The following WWOX variants were observed in gnomAD, a reference collection of about 807,000 sequenced individuals.
WWOX encodes the protein WW domain-containing oxidoreductase.
WWOX carries 69 observed loss-of-function variants against 46.2 expected under a neutral mutation model. That is an observed-to-expected ratio of 1.49 (90% CI 1.23 to 1.82). The LOEUF is 1.82. Among genes scored for constraint, WWOX ranks in the 40% most tolerant of loss-of-function variants. WWOX has a pLI of 0.00. For missense variants in WWOX, 919 were observed against 542.6 expected (o/e 1.69, Z -6.89); for synonymous variants, 359 against 202.6 (o/e 1.77, Z -6.56).
chr16:78,864,675 C>G (rs957139154), intron 8 of WWOX, among the ~76,000 whole-genome samples: 1 of 151,144 alleles, frequency 6.6e-6, no homozygotes, highest in Non-Finnish European at 1.5e-5. Flanking sequence ...CCTGTTAGCA[C>G]AGGGTCTGAC....
At position 78,340,654 on chromosome 16, in the gene WWOX, A is replaced by G. The variant is rs1417502741; in HGVS notation, c.517-46206A>G. On this transcript the variant is annotated intron_variant, in intron 5 of 8. Transcript: ENST00000566780. ...CTCTGAAGGATGATCTGGCTGGACT[A>G]TTTTTTGGGAAAACCACTGTGTTTG... 2.5e-5 allele frequency among the ~76,000 whole-genome samples: 3 copies of G among 120,158 alleles called. 1 individual carries two copies. The highest frequency in any genetic ancestry group is 2.5e-4 in the South Asian group (1 of 4,014). 78.8% of individuals were successfully genotyped at this position (120,158 alleles called of 152,430 possible). A position where few individuals can be genotyped will look rare whatever the true frequency, so the allele number is the denominator to read the frequency against.
At chr16:78,411,259 C>T (rs2082674460) in intron 6 of WWOX, among the ~76,000 whole-genome samples, 4 of 152,104 alleles carry the variant, frequency 2.6e-5, no homozygotes. Context: ...GTTTGAGATC[C>T]ATGTTATTCT....
chr16:79,147,757 T>C (rs1230804847), intron 8 of WWOX, among the ~76,000 whole-genome samples: 1 of 152,206 alleles, frequency 6.6e-6, no homozygotes, highest in Non-Finnish European at 1.5e-5. Context: ...GGTGTTGCAG[T>C]TTTTTATTTT....
chr16:78,687,768 G>C (rs1479722283), intron 8 of WWOX, among the ~76,000 whole-genome samples: 1 of 152,020 alleles, frequency 6.6e-6, no homozygotes, highest in East Asian at 1.9e-4. Context: ...TATTCTCCAG[G>C]TCTGACTATT....
chr16:78,953,067 G>C (rs1175364175), intron 8 of WWOX, among the ~76,000 whole-genome samples: 1 of 151,762 alleles, frequency 6.6e-6, no homozygotes, highest in Non-Finnish European at 1.5e-5. Context: ...GGTGGTGGTG[G>C]ACAATCTGAC....
chr16:78,232,911 G>A (rs564244815), intron 5 of WWOX, among the ~76,000 whole-genome samples: 6 of 151,222 alleles, frequency 4.0e-5, no homozygotes, highest in African/African-American at 4.9e-5. Context: ...GTGCTATTTC[G>A]GCTAACTGCA....
chr16:78,521,461 G>C (rs2043346277), intron 8 of WWOX, among the ~76,000 whole-genome samples: 1 of 152,148 alleles, frequency 6.6e-6, no homozygotes, highest in African/African-American at 2.4e-5. Context: ...CAAAGACAAG[G>C]CTCAAGTTCA....
intron 8 of WWOX, among the ~76,000 whole-genome samples, chr16:78,999,195 G>T (rs1382533324): frequency 6.6e-6 from 1 of 151,874 alleles, no homozygotes; most frequent in African/African-American, 2.4e-5. Flanking sequence ...CATCAGCCAG[G>T]GGCAGCGGGT....
At chr16:78,947,889 T>C (rs2045980153) in intron 8 of WWOX, among the ~76,000 whole-genome samples, 1 of 152,106 alleles carries the variant, frequency 6.6e-6, no homozygotes, top group Admixed American at 6.5e-5. Context: ...CAGGTTCAGG[T>C]TGATTTACCT....
At chr16:78,528,791 T>A (rs1217569186) in intron 8 of WWOX, among the ~76,000 whole-genome samples, 1 of 152,176 alleles carries the variant, frequency 6.6e-6, no homozygotes, top group Non-Finnish European at 1.5e-5. Flanking sequence ...TTTCAGTGGC[T>A]GGTTCTTCGT....
chr16:78,797,105 C>T (rs2050759164), intron 8 of WWOX, among the ~76,000 whole-genome samples: 1 of 151,976 alleles, frequency 6.6e-6, no homozygotes, highest in Non-Finnish European at 1.5e-5. Flanking sequence ...GGGTTGCAGG[C>T]GTGAGCCACT....
chr16:78,692,008 T>G (rs909710185), intron 8 of WWOX, among the ~76,000 whole-genome samples: 3 of 152,204 alleles, frequency 2.0e-5, no homozygotes, highest in Non-Finnish European at 2.9e-5. Context: ...CATTTTCTCT[T>G]GCCACTGCCA....
intron 4 of WWOX, among the ~76,000 whole-genome samples, chr16:78,126,711 A>G (rs1381963048): frequency 5.3e-5 from 8 of 152,188 alleles, no homozygotes; most frequent in Admixed American, 5.2e-4. Flanking sequence ...TCTTTTAAGC[A>G]CACATCTTGT....
rs371483619 is a variant in WWOX at position 78,939,332 on chromosome 16, C to T, written c.1057-272276C>T. Among the ~76,000 whole-genome samples, 33 of 152,224 alleles carry T rather than the reference C, an allele frequency of 2.2e-4. No individual in the cohort carries two copies. The South Asian group carries it at 2.5e-3, about 11-fold the overall frequency. On this transcript the variant is annotated intron_variant, in intron 8 of 8. Transcript: ENST00000566780. ...TTTGCCATCCTCAGTAATGTGTGTC[C>T]CTTACAGATGATGCCCAATGACTCT...
chr16:79,122,005 A>G (rs1019033657), intron 8 of WWOX, among the ~76,000 whole-genome samples: 1 of 152,128 alleles, frequency 6.6e-6, no homozygotes, highest in Non-Finnish European at 1.5e-5. Flanking sequence ...GTACAATAAA[A>G]TACCAAGTTA....
chr16:78,176,335 G>C (rs947444430), intron 5 of WWOX, among the ~76,000 whole-genome samples: 1 of 152,198 alleles, frequency 6.6e-6, no homozygotes, highest in Non-Finnish European at 1.5e-5. Context: ...TGAAGCTTGG[G>C]ATGCACTTGG....
At chr16:78,241,227 A>G (rs974664570) in intron 5 of WWOX, 1 of 152,220 alleles carries the variant, frequency 6.6e-6, no homozygotes, top group Non-Finnish European at 1.5e-5. Context: ...TGCCGTCAGC[A>G]TGGTTCCCAG....
rs186434420 is a variant in WWOX at position 78,626,608 on chromosome 16, A to G, written c.1056+193856A>G. ...TCACCTGGTCAAGGTAGTGTTCATTAGGTTTCTCCACTGCACACTTAGTCT... is the reference window on the plus strand; with the variant it reads ...TCACCTGGTCAAGGTAGTGTTCATTGGGTTTCTCCACTGCACACTTAGTCT... On this transcript the variant is annotated intron_variant, in intron 8 of 8. Coordinates refer to ENST00000566780, the MANE Select transcript of WWOX (RefSeq NM_016373.4). Among the ~76,000 whole-genome samples the G allele has an allele frequency of 2.0e-5, 3 of 152,236 alleles. No homozygotes were observed. In the East Asian group the frequency reaches 5.8e-4, roughly 30 times the overall value.
chr16:78,119,236 G>T (rs539396156), intron 4 of WWOX, among the ~76,000 whole-genome samples: 24 of 152,178 alleles, frequency 1.6e-4, no homozygotes, highest in Non-Finnish European at 2.9e-4. Context: ...TAAAAGCAAC[G>T]GAAATGCCTT....
Sources: allele counts gnomAD v4.1 joint callset (sites outside exome capture counted in the v4.1 genomes callset), GRCh38; gene constraint gnomAD v4.1.1; transcripts MANE v1.5; gene names NCBI Gene and HGNC (gene_info 2026-07-23, HGNC 2026-07-21).